LRP1B: variants seen among roughly 807,000 people sequenced by gnomAD.
LRP1B encodes the protein low-density lipoprotein receptor-related protein 1B.
Under a neutral mutation model 556.6 loss-of-function variants are expected in LRP1B, and 217 were observed. That is an observed-to-expected ratio of 0.39 (90% CI 0.35 to 0.44). LRP1B has a LOEUF of 0.44. Ranked by LOEUF, LRP1B falls within the 20% of genes least tolerant of loss-of-function variation. The pLI, the probability that LRP1B is intolerant of heterozygous loss-of-function variation, is 1.00. For missense variants in LRP1B, 5,053 were observed against 5,620.8 expected (o/e 0.90, Z 3.23); for synonymous variants, 2,047 against 1,865.8 (o/e 1.10, Z -2.50).
At chr2:141,153,723 C>A (rs560847519) in intron 7 of LRP1B, among the ~76,000 whole-genome samples, 4 of 149,304 alleles carry the variant, frequency 2.7e-5, no homozygotes, top group African/African-American at 9.8e-5. Flanking sequence ...ATCTTGAACA[C>A]GTGGGAGCTA....
chr2:140,295,310 A>C (rs1225585001), intron 84 of LRP1B, among the ~76,000 whole-genome samples: 2 of 152,190 alleles, frequency 1.3e-5, no homozygotes, highest in Non-Finnish European at 2.9e-5. Flanking sequence ...GGCCTAGGGT[A>C]GGGGCATCTA....
chr2:142,087,245 G>T (rs1023103682), intron 1 of LRP1B, among the ~76,000 whole-genome samples: 4 of 151,050 alleles, frequency 2.6e-5, no homozygotes, highest in African/African-American at 9.7e-5. Flanking sequence ...TGGAGAAAAA[G>T]AAATGTCAGG....
chr2:140,439,808 T>A (rs561353257), intron 66 of LRP1B, among the ~76,000 whole-genome samples: 1 of 152,150 alleles, frequency 6.6e-6, no homozygotes, highest in East Asian at 1.9e-4. Flanking sequence ...AAATTGTGAG[T>A]ACTCGTAGAC....
chr2:141,072,157 A>G (rs528767813), intron 7 of LRP1B, among the ~76,000 whole-genome samples: 6 of 152,194 alleles, frequency 3.9e-5, no homozygotes, highest in Admixed American at 2.0e-4. Flanking sequence ...TCCATGATCA[A>G]GCTCCATAAT....
At chr2:141,416,599 T>C (rs1691115352) in intron 3 of LRP1B, among the ~76,000 whole-genome samples, 1 of 151,852 alleles carries the variant, frequency 6.6e-6, no homozygotes, top group Non-Finnish European at 1.5e-5. Context: ...GATTACAGAC[T>C]CACACCATTA....
chr2:141,191,188 T>A (rs1464935745), intron 6 of LRP1B, among the ~76,000 whole-genome samples: 3 of 152,128 alleles, frequency 2.0e-5, no homozygotes, highest in Non-Finnish European at 4.4e-5. Context: ...TCTCTTTGGG[T>A]CTTCATTTCC....
At chr2:141,957,348 T>A (rs569776081) in intron 1 of LRP1B, among the ~76,000 whole-genome samples, 3 of 117,074 alleles carry the variant, frequency 2.6e-5, no homozygotes, top group African/African-American at 9.9e-5. Context: ...AAAAACAGAT[T>A]AGCAAATAGT....
At chr2:141,613,273 A>G (rs1208452183) in intron 2 of LRP1B, among the ~76,000 whole-genome samples, 1 of 152,058 alleles carries the variant, frequency 6.6e-6, no homozygotes, top group African/African-American at 2.4e-5. Context: ...TAGCTGTTTT[A>G]GGTCCTGTAG....
chr2:141,132,228 ATGTGAGG>A (rs1701376368), intron 7 of LRP1B, among the ~76,000 whole-genome samples: 1 of 151,920 alleles, frequency 6.6e-6, no homozygotes, highest in African/African-American at 2.4e-5. Context: ...ATGGGGCCTG[ATGTGAGG>A]TATTTGGATT....
At chr2:140,622,081 A>G (rs1221924120) in intron 41 of LRP1B, among the ~76,000 whole-genome samples, 1 of 152,242 alleles carries the variant, frequency 6.6e-6, no homozygotes, top group Non-Finnish European at 1.5e-5. Flanking sequence ...ATTTAAGGAA[A>G]AGCATCAATT....
chr2:142,094,060 T>A (rs13418304), intron 1 of LRP1B, among the ~76,000 whole-genome samples: 10,087 of 152,166 alleles, frequency 0.066, 410 homozygotes, highest in Non-Finnish European at 0.092. Context: ...TCATCTTCTA[T>A]GTCCTCACAT....
At chr2:142,095,042 A>C (rs913362177) in intron 1 of LRP1B, among the ~76,000 whole-genome samples, 2 of 151,864 alleles carry the variant, frequency 1.3e-5, no homozygotes, top group African/African-American at 4.8e-5. Context: ...TACTGTGGTT[A>C]GTTAGAATAT....
intron 29 of LRP1B, among the ~76,000 whole-genome samples, chr2:140,849,403 CAAAATCCAAAAAA>C (rs1245681286): frequency 2.5e-5 from 3 of 121,440 alleles, no homozygotes; most frequent in African/African-American, 1.2e-4. Context: ...AAACAAAAAA[CAAAATCCAAAAAA>C]AAAAAAACAG....
intron 31 of LRP1B, among the ~76,000 whole-genome samples, chr2:140,823,417 A>C (rs1032715792): frequency 7.9e-5 from 12 of 152,196 alleles, no homozygotes; most frequent in African/African-American, 2.9e-4. Context: ...AAATGAAATT[A>C]CAATGAGTAA....
chr2:141,287,710 A>AG (rs1685773932), intron 3 of LRP1B, among the ~76,000 whole-genome samples: 1 of 152,138 alleles, frequency 6.6e-6, no homozygotes, highest in South Asian at 2.1e-4. Flanking sequence ...TTGTGGTGAG[A>AG]GACTATTTCC....
chr2:141,573,818 C>A (rs1686627987), intron 2 of LRP1B, among the ~76,000 whole-genome samples: 1 of 152,056 alleles, frequency 6.6e-6, no homozygotes, highest in Non-Finnish European at 1.5e-5. Flanking sequence ...ACTATAAACA[C>A]CTCTATGCAA....
intron 1 of LRP1B, among the ~76,000 whole-genome samples, chr2:141,878,158 C>T (rs568333961): frequency 3.4e-4 from 52 of 151,216 alleles, no homozygotes; most frequent in African/African-American, 6.1e-4. Flanking sequence ...TTTCCTTTTC[C>T]TCACATCTCT....
intron 7 of LRP1B, among the ~76,000 whole-genome samples, chr2:141,138,640 A>T (rs1701549653): frequency 6.6e-6 from 1 of 151,914 alleles, no homozygotes; most frequent in African/African-American, 2.4e-5. Flanking sequence ...ACCATTGAAC[A>T]TAGCATTGAA....
chr2:141,036,519 A>C (rs1374892097), intron 11 of LRP1B, among the ~76,000 whole-genome samples: 3 of 152,132 alleles, frequency 2.0e-5, no homozygotes, highest in Non-Finnish European at 4.4e-5. Context: ...GGTCCTGTGA[A>C]AGAGGTACAA....
Sources: gnomAD v4.1 joint callset for allele counts (sites outside exome capture counted in the v4.1 genomes callset) on GRCh38, gnomAD v4.1.1 for gene constraint, MANE v1.5 for transcripts, NCBI Gene and HGNC (gene_info 2026-07-23, HGNC 2026-07-21) for gene names.